FLCN: variants seen among roughly 807,000 people sequenced by gnomAD.
FLCN encodes BHD skin lesion fibrofolliculoma protein.
FLCN carries 22 observed loss-of-function variants against 62.5 expected under a neutral mutation model. The ratio of observed to expected loss-of-function variants is 0.35; its 90% CI spans 0.25 to 0.50. FLCN has a LOEUF of 0.50. Among genes scored for constraint, FLCN ranks in the 20% least tolerant of loss-of-function variants. The pLI is 0.97. For synonymous variants in FLCN, 319 were observed against 310.0 expected, an observed-to-expected ratio of 1.03 and a Z score of -0.30; for missense variants, 657 against 778.0, an observed-to-expected ratio of 0.84 and a Z score of 1.85.
chr17:17,213,807 C>G lies in FLCN; in HGVS notation c.1588G>C (p.Glu530Gln), dbSNP rs2144811542. ...KFTKVDSRPK[E>Q]DTQKLLSILG... is the part of the protein sequence containing the mutation. ...ATGCTCAGCAGCTTCTGTGTGTCCTCTTTGGGTCGACTGTCCACCTTGGTG... is the reference window on the plus strand; with the variant it reads ...ATGCTCAGCAGCTTCTGTGTGTCCTGTTTGGGTCGACTGTCCACCTTGGTG... Residue 530 changes from glutamate to glutamine, a missense_variant, in exon 14 of 14, where the codon GAG becomes CAG. Physicochemically the swap from Glu to Gln is conservative, Grantham distance 29. Transcript: ENST00000285071. The G allele has an allele frequency of 6.2e-7, 1 of 1,614,248 alleles. No individual in the cohort carries two copies.
Position 17,213,686 on chromosome 17 carries a change from C to A in FLCN, c.1709G>T (p.Arg570Leu), listed in dbSNP as rs201056799. The A allele has an allele frequency of 6.2e-7, 1 of 1,614,134 alleles. No individual in the cohort carries two copies. The highest frequency in any genetic ancestry group is 8.5e-7 in the Non-Finnish European group (1 of 1,180,024). Reference protein sequence around the residue: ...TYKSHLMSTVRSPTASESRN With the variant: ...TYKSHLMSTVLSPTASESRN ...CCGAGACTCCGAGGCTGTGGGGCTGCGGACCGTGGACATGAGGTGTGACTT... is the reference window on the plus strand; with the variant it reads ...CCGAGACTCCGAGGCTGTGGGGCTGAGGACCGTGGACATGAGGTGTGACTT... The change falls in exon 14 of 14, where the codon CGC becomes CTC. Residue 570 changes from arginine to leucine, a missense_variant. Coordinates refer to ENST00000285071, the MANE Select transcript of FLCN (RefSeq NM_144997.7).
At chr17:17,214,245 C>G (rs916756980) in intron 13 of FLCN, among the ~76,000 whole-genome samples, 6 of 151,458 alleles carry the variant, frequency 4.0e-5, no homozygotes, top group African/African-American at 1.5e-4. Flanking sequence ...AAATTTGACC[C>G]AAAAAATTAC....
rs41371953 is a variant in FLCN at position 17,216,935 on chromosome 17, C to G, written c.1176+134G>C. The G allele has an allele frequency of 0.024, 17,772 of 731,558 alleles. 347 individuals are homozygous for G. The highest frequency in any genetic ancestry group is 0.078 in the African/African-American group (4,504 of 57,786). The allele number at this position is 731,558 out of a possible 1,614,324, so 45.3% of individuals were successfully genotyped here. ...CAGACCCGGGTCTCCGTGCCCACTG[C>G]GCCCCCAGTGGAGACCGTGTGGTGC... On this transcript the variant is annotated intron_variant, in intron 10 of 13. Transcript: ENST00000285071. The surrounding 1 kb of genome is among the most constrained non-coding windows in gnomAD (Gnocchi z 4.0).
At chr17:17,237,260 G>A (rs1171234537), upstream of FLCN, 1 of 152,262 alleles carries the variant, frequency 6.6e-6, no homozygotes, top group Non-Finnish European at 1.5e-5. Context: ...GCACCGCGAG[G>A]AGAGCCGGGC....
At chr17:17,217,005 C>G (rs1021560783) in intron 10 of FLCN, 64 bp downstream of exon 10, 2 of 1,227,950 alleles carry the variant, frequency 1.6e-6, no homozygotes, top group East Asian at 4.7e-5. Flanking sequence ...GGCATCCCCA[C>G]CTGACGCCAG....
chr17:17,214,704 T>C (rs949567081), intron 13 of FLCN, among the ~76,000 whole-genome samples: 1 of 144,316 alleles, frequency 6.9e-6, no homozygotes, highest in African/African-American at 2.5e-5. Context: ...GAGCTTCCAT[T>C]ATGAACCCTC....
At chr17:17,214,080 G>C (rs1261830174) in intron 13 of FLCN, among the ~76,000 whole-genome samples, 4 of 152,096 alleles carry the variant, frequency 2.6e-5, no homozygotes, top group Admixed American at 2.6e-4. Context: ...CCCTCTGTCG[G>C]GTATGGGTAT....
chr17:17,217,333 C>T lies in FLCN; in HGVS notation c.1063-151G>A, dbSNP rs74354336. 4.8e-3 allele frequency: 3,386 copies of T among 700,284 alleles called. 74 individuals carry two copies. In the African/African-American group the frequency reaches 0.051, roughly 11 times the overall value. 43.4% of individuals were successfully genotyped at this position (700,284 alleles called of 1,614,324 possible). ...TTATCTTCTCAGGGAGGCGGGTGCC[C>T]GGCCCAGGGTTAAAGGGGCAGAGAG... is the stretch of plus-strand genomic sequence containing the variant. On this transcript the variant is annotated intron_variant, in intron 9 of 13. Transcript: ENST00000285071.
chr17:17,230,021 A>G (rs751937306), intron 3 of FLCN, among the ~76,000 whole-genome samples: 19 of 152,298 alleles, frequency 1.2e-4, no homozygotes, highest in East Asian at 1.9e-4. Flanking sequence ...AAAGCCAGAG[A>G]AGGCTTTAAA....
chr17:17,224,187 T>G, intron 5 of FLCN, 44 bp from the exon 6 acceptor site: 2 of 1,512,680 alleles, frequency 1.3e-6, no homozygotes, highest in Non-Finnish European at 1.8e-6. Context: ...CCTCGCTTAG[T>G]GACACCAAAT....
rs556510460 is a variant in FLCN, at chr17:17,228,004, G to C, written c.134C>G (p.Ala45Gly). Residue 45 changes from alanine (A) to glycine (G), a missense_variant, in exon 4 of 14, where the codon GCG becomes GGG. Coordinates refer to ENST00000285071, the MANE Select transcript of FLCN (RefSeq NM_144997.7). The stretch of plus-strand genomic sequence containing the variant: ...CTGAATGCCACCTTCCTCTTCTTCC[G>C]CCTGCTCACCCTGGCCAGGACTGTC... ...NEDSPGQGEQAEEEEGGIQMN... is the reference protein window; with the variant it reads ...NEDSPGQGEQGEEEEGGIQMN... 35 of 1,613,854 alleles carry C rather than the reference G, an allele frequency of 2.2e-5. No individual in the cohort carries two copies. The Admixed American group carries it at 5.8e-4, about 27-fold the overall frequency.
At chr17:17,222,041 A>T (rs1298722810) in intron 7 of FLCN, among the ~76,000 whole-genome samples, 1 of 88,508 alleles carries the variant, frequency 1.1e-5, no homozygotes, top group African/African-American at 5.9e-5. Flanking sequence ...ATTTGCTTTA[A>T]AAAAAAAAAA....
Position 17,216,483 on chromosome 17 carries a change from G to A in FLCN, c.1197C>T (p.Cys399=), listed in dbSNP as rs750894316. Residue 399 remains cysteine (C), a synonymous_variant, in exon 11 of 14, where the codon TGC becomes TGT. Coordinates refer to ENST00000285071, the MANE Select transcript of FLCN (RefSeq NM_144997.7). This position sits in a 1 kb window ranked among gnomAD's most constrained non-coding sequence, Gnocchi z 4.0. ...EVLRTMLPVG[C]VRIIPYSSQY... ...GGCTGCTGTATGGGATGATGCGGAC[G>A]CAGCCCACGGGAAGCATGGTCTGAG... 6.8e-6 allele frequency: 11 copies of A among 1,613,680 alleles called. No homozygotes were observed. The highest frequency in any genetic ancestry group is 1.6e-4 in the Middle Eastern group (1 of 6,076).
At chr17:17,218,386 CTTT>C (rs11464784) in intron 9 of FLCN, among the ~76,000 whole-genome samples, 3 of 129,938 alleles carry the variant, frequency 2.3e-5, no homozygotes, top group African/African-American at 5.8e-5. Flanking sequence ...CCATCACTTT[CTTT>C]TTTTTTTTTT....
intron 11 of FLCN, 32 bp from the exon 12 acceptor site, chr17:17,215,348 C>T: frequency 6.2e-7 from 1 of 1,612,500 alleles, no homozygotes; most frequent in African/African-American, 1.3e-5. Flanking sequence ...GGCTCCTCAT[C>T]TCCCCCATGC....
intron 13 of FLCN, 113 bp downstream of exon 13, chr17:17,214,872 C>T: frequency 8.6e-7 from 1 of 1,163,824 alleles, no homozygotes. Flanking sequence ...CCGCCCCCAA[C>T]CTCTTCTCTC....
At chr17:17,214,887 C>G (rs2046862328) in intron 13 of FLCN, 98 bp downstream of exon 13, 1 of 1,290,886 alleles carries the variant, frequency 7.7e-7, no homozygotes, top group African/African-American at 1.5e-5. Context: ...TCTCTCGGCT[C>G]CTCCCTCAGT....
At position 17,216,389 on chromosome 17, in the gene FLCN, G is replaced by A. The variant is rs2144856188; in HGVS notation, c.1291C>T (p.Leu431Phe). The change falls in exon 11 of 14, where the codon CTC becomes TTC. Residue 431 changes from leucine (L) to phenylalanine (F), a missense_variant. Transcript: ENST00000285071. This position sits in a 1 kb window ranked among gnomAD's most constrained non-coding sequence, Gnocchi z 4.0. ...CCGCGGGGGCACGCACCTGAGGAGA[G>A]CACGTGGGGGGGGATCTGCACGTGC... ...SPHVQIPPHV[L>F]SSEFAVIVEV... The A allele has an allele frequency of 6.2e-7, 1 of 1,613,498 alleles. No homozygotes were observed.
At chr17:17,229,711 G>C (rs2047365065) in intron 3 of FLCN, among the ~76,000 whole-genome samples, 1 of 152,242 alleles carries the variant, frequency 6.6e-6, no homozygotes, top group South Asian at 2.1e-4. Flanking sequence ...GTGGTAACCT[G>C]CAGAACAATG....
Sources: gnomAD v4.1 joint callset for allele counts (sites outside exome capture counted in the v4.1 genomes callset) on GRCh38, gnomAD v4.1.1 for gene constraint, Gnocchi (gnomAD v3.1) non-coding constraint, MANE v1.5 for transcripts, NCBI Gene and HGNC (gene_info 2026-07-23, HGNC 2026-07-21) for gene names.